Variants in PACRG observed in about 807,000 individuals in gnomAD.
PACRG encodes parkin coregulated, also known as parkin coregulated gene protein.
In PACRG, 29 loss-of-function variants were observed where a neutral mutation model predicts 29.7. The ratio of observed to expected loss-of-function variants is 0.98; its 90% CI spans 0.73 to 1.33. The LOEUF (loss-of-function observed/expected upper bound fraction) is 1.33, where lower values mean the gene tolerates loss of function less well. Ranked by LOEUF, PACRG falls within the 40% of genes most tolerant of loss-of-function variation. The pLI is 0.00. For synonymous variants in PACRG, 116 were observed against 118.7 expected, an observed-to-expected ratio of 0.98 and a Z score of 0.15; for missense variants, 279 against 316.2, an observed-to-expected ratio of 0.88 and a Z score of 0.89.
chr6:163,260,964 T>A (rs1323571204), intron 4 of PACRG, among the ~76,000 whole-genome samples: 1 of 93,546 alleles, frequency 1.1e-5, no homozygotes, highest in Non-Finnish European at 2.4e-5. Context: ...ATCACCTATC[T>A]AAATAATGCA....
chr6:163,066,038 G>A (rs773609977), intron 3 of PACRG, among the ~76,000 whole-genome samples: 5 of 152,202 alleles, frequency 3.3e-5, no homozygotes, highest in Admixed American at 6.5e-5. Flanking sequence ...TCGAAGAGAT[G>A]TTCTAGGAGG....
At chr6:162,799,072 G>A (rs1258422119) in intron 1 of PACRG, among the ~76,000 whole-genome samples, 1 of 151,788 alleles carries the variant, frequency 6.6e-6, no homozygotes, top group African/African-American at 2.4e-5. Context: ...GTAGATAAAT[G>A]GCCAAGTCAG....
chr6:162,796,818 G>A (rs1785420980), intron 1 of PACRG, among the ~76,000 whole-genome samples: 1 of 152,122 alleles, frequency 6.6e-6, no homozygotes, highest in Admixed American at 6.5e-5. Flanking sequence ...TCATCCTGAA[G>A]CCAATGCTAA....
intron 2 of PACRG, among the ~76,000 whole-genome samples, chr6:162,832,902 A>G (rs527375446): frequency 1.5e-4 from 23 of 152,136 alleles, no homozygotes; most frequent in Middle Eastern, 6.8e-3. Context: ...CTACTCAACA[A>G]AACCAATGAT....
intron 2 of PACRG, among the ~76,000 whole-genome samples, chr6:162,888,277 A>C (rs1023506230): frequency 6.6e-6 from 1 of 152,022 alleles, no homozygotes; most frequent in African/African-American, 2.4e-5. Context: ...AGTCTTGGCC[A>C]CAACCCTCAC....
intron 1 of PACRG, among the ~76,000 whole-genome samples, chr6:162,747,363 TACACATAC>T (rs1232629133): frequency 0.016 from 556 of 35,156 alleles, 49 homozygotes; most frequent in African/African-American, 0.036. Flanking sequence ...TATATATATA[TACACATAC>T]ATATATATGT....
chr6:162,932,050 G>A (rs996486750), intron 2 of PACRG, among the ~76,000 whole-genome samples: 5 of 151,854 alleles, frequency 3.3e-5, no homozygotes, highest in African/African-American at 4.8e-5. Flanking sequence ...GATGATGTAC[G>A]CATACTACAG....
intron 2 of PACRG, among the ~76,000 whole-genome samples, chr6:162,989,859 G>C (rs1324590298): frequency 1.3e-5 from 2 of 151,586 alleles, no homozygotes; most frequent in Non-Finnish European, 2.9e-5. Context: ...TCTAGCCTTA[G>C]GTATATCTCC....
chr6:162,888,802 AG>A (rs1247108372), intron 2 of PACRG, among the ~76,000 whole-genome samples: 23 of 152,146 alleles, frequency 1.5e-4, no homozygotes, highest in African/African-American at 5.6e-4. Context: ...GGAATTTAAA[AG>A]GCAGGACTCT....
intron 2 of PACRG, among the ~76,000 whole-genome samples, chr6:163,019,045 T>G (rs1371927596): frequency 6.6e-6 from 1 of 152,224 alleles, no homozygotes; most frequent in African/African-American, 2.4e-5. Flanking sequence ...TTAAGTTCTA[T>G]GTTTTTAATG....
At chr6:163,096,597 A>T (rs916626893) in intron 4 of PACRG, among the ~76,000 whole-genome samples, 4 of 152,198 alleles carry the variant, frequency 2.6e-5, no homozygotes, top group African/African-American at 9.7e-5. Context: ...TCCATAATTT[A>T]AAAACCAAGT....
intron 2 of PACRG, among the ~76,000 whole-genome samples, chr6:162,995,453 T>A (rs1033096861): frequency 1.3e-5 from 2 of 152,190 alleles, no homozygotes; most frequent in African/African-American, 4.8e-5. Flanking sequence ...GTGCGCCGTT[T>A]TTTAAGCCGG....
intron 2 of PACRG, among the ~76,000 whole-genome samples, chr6:162,883,684 C>CTG (rs144543802): frequency 0.39 from 56,183 of 145,568 alleles, 10,917 homozygotes; most frequent in Middle Eastern, 0.48. Context: ...TTTTCAAAAA[C>CTG]TGTGTGTGTG....
intron 4 of PACRG, among the ~76,000 whole-genome samples, chr6:163,236,100 T>C (rs1427769158): frequency 6.6e-6 from 1 of 151,236 alleles, no homozygotes; most frequent in Non-Finnish European, 1.5e-5. Flanking sequence ...GGCTACAAGA[T>C]ACTTTGAAAG....
chr6:162,869,034 A>C (rs964044894), intron 2 of PACRG, among the ~76,000 whole-genome samples: 1 of 152,160 alleles, frequency 6.6e-6, no homozygotes, highest in Non-Finnish European at 1.5e-5. Context: ...CTCTGCTCAG[A>C]ATTGCTTCTG....
intron 2 of PACRG, among the ~76,000 whole-genome samples, chr6:162,972,190 G>A (rs2128160495): frequency 6.6e-6 from 1 of 152,286 alleles, no homozygotes; most frequent in South Asian, 2.1e-4. Context: ...AAGACAAAGA[G>A]ATCGGCTTGA....
chr6:162,738,139 C>T (rs1180663766), intron 1 of PACRG, among the ~76,000 whole-genome samples: 1 of 152,118 alleles, frequency 6.6e-6, no homozygotes, highest in African/African-American at 2.4e-5. Context: ...TTCCTAGAGG[C>T]AAGCAGGATC....
chr6:162,739,554 T>A (rs963770831), intron 1 of PACRG, among the ~76,000 whole-genome samples: 1 of 152,064 alleles, frequency 6.6e-6, no homozygotes, highest in Non-Finnish European at 1.5e-5. Flanking sequence ...TTTTAAAAAA[T>A]TTTTGTCGGC....
intron 1 of PACRG, among the ~76,000 whole-genome samples, chr6:162,754,257 T>G (rs1781728527): frequency 6.6e-6 from 1 of 152,238 alleles, no homozygotes; most frequent in Non-Finnish European, 1.5e-5. Context: ...TTTTTTCATA[T>G]ACTTGTCAGC....
Sources: allele counts gnomAD v4.1 joint callset (sites outside exome capture counted in the v4.1 genomes callset), GRCh38; gene constraint gnomAD v4.1.1; transcripts MANE v1.5; gene names NCBI Gene and HGNC (gene_info 2026-07-23, HGNC 2026-07-21).